The following DSCC1 variants were observed in gnomAD, a reference collection of about 807,000 sequenced individuals.
DSCC1 encodes the protein DNA replication and sister chromatid cohesion 1.
DSCC1 carries 32 observed loss-of-function variants against 48.2 expected under a neutral mutation model. The observed-to-expected ratio is 0.66, with a 90% CI of 0.50 to 0.89. The LOEUF (loss-of-function observed/expected upper bound fraction) is 0.89. Among genes scored for constraint, DSCC1 ranks in the 40% least tolerant of loss-of-function variants. The pLI is 0.00. For synonymous variants in DSCC1, 150 were observed against 171.5 expected (o/e 0.87, Z 0.98); for missense variants, 421 against 471.7 (o/e 0.89, Z 1.00).
chr8:119,855,811 A>C lies in DSCC1; in HGVS notation c.-16T>G. On this transcript the variant is annotated 5_prime_UTR_variant, in exon 1 of 9. Transcript: ENST00000313655. ...TCCTCTTCATCGCAGCGCCGGGTCT[A>C]GGAGTCCCGCCGCGCCCGGGTGGCT... 6.9e-7 allele frequency: 1 copy of C among 1,455,800 alleles called. No homozygotes were observed. 90.2% of individuals were successfully genotyped at this position (1,455,800 alleles called of 1,614,324 possible).
At chr8:119,851,063 GA>G (rs1221065957) in intron 2 of DSCC1, among the ~76,000 whole-genome samples, 6 of 152,318 alleles carry the variant, frequency 3.9e-5, no homozygotes, top group Admixed American at 2.0e-4. Context: ...GTGAAATAGT[GA>G]GAGGCCTACC....
intron 7 of DSCC1, chr8:119,839,279 G>A (rs1026958405): frequency 3.9e-5 from 6 of 152,168 alleles, no homozygotes; most frequent in African/African-American, 1.2e-4. Context: ...TCTCTCTTGA[G>A]TCCCAGACCT....
At chr8:119,835,790 T>A (rs763175341) in intron 8 of DSCC1, among the ~76,000 whole-genome samples, 8 of 152,164 alleles carry the variant, frequency 5.3e-5, no homozygotes, top group Non-Finnish European at 8.8e-5. Flanking sequence ...TTACCAATGC[T>A]TCCTGAACTT....
At chr8:119,848,633 G>C (rs1826896364) in intron 3 of DSCC1, among the ~76,000 whole-genome samples, 1 of 152,164 alleles carries the variant, frequency 6.6e-6, no homozygotes, top group Admixed American at 6.5e-5. Context: ...CAAGAAAAAT[G>C]AAAACATAGA....
At chr8:119,852,916 A>C (rs550341044) in intron 2 of DSCC1, 131 bp downstream of exon 2, 3 of 788,250 alleles carry the variant, frequency 3.8e-6, no homozygotes, top group African/African-American at 3.5e-5. Flanking sequence ...GAGAAATTCA[A>C]ATTTCTTTAA....
In DSCC1 at chr8:119,855,764, G is replaced by A. The variant is rs1369246641; in HGVS notation, c.32C>T (p.Thr11Met). MKRTRDEVDATLQIAKLNAAE... is the reference protein window; with the variant it reads MKRTRDEVDAMLQIAKLNAAE... Reference sequence around the variant, plus strand: ...CGCATTCAGCTTGGCGATCTGCAGCGTCGCATCCACCTCGTCGCGGGTCCT... The same window carrying A: ...CGCATTCAGCTTGGCGATCTGCAGCATCGCATCCACCTCGTCGCGGGTCCT... Residue 11 changes from threonine (T) to methionine (M), a missense_variant, in exon 1 of 9, where the codon ACG (threonine) becomes ATG (methionine). By Grantham distance (81) the Thr-to-Met change is moderately conservative (BLOSUM62 -1). Transcript: ENST00000313655. The A allele has an allele frequency of 6.4e-7, 1 of 1,564,828 alleles. No homozygotes were observed. The highest frequency in any genetic ancestry group is 8.7e-7 in the Non-Finnish European group (1 of 1,155,520).
chr8:119,838,225 G>C, intron 8 of DSCC1, 34 bp downstream of exon 8: 1 of 1,507,006 alleles, frequency 6.6e-7, no homozygotes, highest in East Asian at 2.4e-5. Context: ...TAAAAAGAAC[G>C]ACCCTCAAAA....
At chr8:119,853,658 G>A (rs1826973790) in intron 1 of DSCC1, among the ~76,000 whole-genome samples, 1 of 152,158 alleles carries the variant, frequency 6.6e-6, no homozygotes, top group East Asian at 1.9e-4. Flanking sequence ...GTCTAGGATG[G>A]GACCCAGGGT....
chr8:119,839,638 T>A (rs1826738329), intron 7 of DSCC1: 1 of 152,190 alleles, frequency 6.6e-6, no homozygotes, highest in Admixed American at 6.6e-5. Context: ...TGAGGTAACC[T>A]CTCTAACTGA....
intron 3 of DSCC1, 72 bp from the exon 4 acceptor site, chr8:119,847,152 G>A: frequency 7.8e-7 from 1 of 1,285,598 alleles, no homozygotes; most frequent in Non-Finnish European, 1.1e-6. Context: ...TGAATATTGA[G>A]GAATAAATAC....
chr8:119,842,873 A>T, intron 5 of DSCC1, 45 bp from the exon 6 acceptor site: 1 of 1,516,720 alleles, frequency 6.6e-7, no homozygotes, highest in Non-Finnish European at 9.0e-7. Context: ...AAGCATTTTT[A>T]TGCACTATAT....
chr8:119,841,281 C>T (rs865928226), intron 7 of DSCC1, among the ~76,000 whole-genome samples: 1 of 152,108 alleles, frequency 6.6e-6, no homozygotes, highest in South Asian at 2.1e-4. Context: ...CGTGAGCTAC[C>T]GCACTTGGTC....
intron 7 of DSCC1, among the ~76,000 whole-genome samples, chr8:119,840,860 C>T (rs1264962895): frequency 2.7e-5 from 4 of 150,860 alleles, no homozygotes; most frequent in African/African-American, 9.8e-5. Context: ...TGCAGTGAGC[C>T]GAGATTGAGC....
chr8:119,839,184 C>G (rs944180713), intron 7 of DSCC1: 9 of 152,288 alleles, frequency 5.9e-5, no homozygotes, highest in African/African-American at 2.2e-4. Context: ...CACTGTCACT[C>G]TACTGAGTAA....
intron 3 of DSCC1, among the ~76,000 whole-genome samples, chr8:119,848,212 C>T (rs984037606): frequency 6.6e-6 from 1 of 152,130 alleles, no homozygotes; most frequent in African/African-American, 2.4e-5. Context: ...ATCCTCCTAC[C>T]CTGCCCTCCT....
chr8:119,841,025 T>C (rs1826760880), intron 7 of DSCC1, among the ~76,000 whole-genome samples: 1 of 151,964 alleles, frequency 6.6e-6, no homozygotes, highest in Admixed American at 6.6e-5. Flanking sequence ...AGAGTCTTGC[T>C]CTGTCGCCCA....
intron 4 of DSCC1, among the ~76,000 whole-genome samples, chr8:119,844,435 C>CA (rs71571634): frequency 0.48 from 49,949 of 103,708 alleles, 9,884 homozygotes; most frequent in South Asian, 0.61. Context: ...AGACTGTCTC[C>CA]AAAAAAAAAA....
Position 119,836,205 on chromosome 8 carries a change from T to C in DSCC1, c.1074-1204A>G, listed in dbSNP as rs143919259. 1.6e-3 allele frequency among the ~76,000 whole-genome samples: 248 copies of C among 152,140 alleles called. 1 individual carries two copies. The highest frequency in any genetic ancestry group is 5.6e-3 in the African/African-American group (234 of 41,506). ...GTGCACACCAGTAGTCCCAGCTACT[T>C]GGGAGGCTAAGGCAGGAGAATCCCT... On this transcript the variant is annotated intron_variant, in intron 8 of 8. Transcript: ENST00000313655.
chr8:119,854,445 G>A (rs1307876087), intron 1 of DSCC1, among the ~76,000 whole-genome samples: 1 of 152,064 alleles, frequency 6.6e-6, no homozygotes, highest in Admixed American at 6.6e-5. Context: ...ATTTATTTTT[G>A]ACTAAGTCTT....
Sources: gnomAD v4.1 joint callset for allele counts (sites outside exome capture counted in the v4.1 genomes callset) on GRCh38, gnomAD v4.1.1 for gene constraint, MANE v1.5 for transcripts, NCBI Gene and HGNC (gene_info 2026-07-23, HGNC 2026-07-21) for gene names.